Variants in GPR89B observed in about 807,000 individuals in gnomAD.
GPR89B encodes G protein-coupled receptor 89B.
A neutral mutation model predicts 52.4 loss-of-function variants in GPR89B; 25 were observed. That is an observed-to-expected ratio of 0.48 (90% CI 0.35 to 0.67). The LOEUF is 0.67. Among genes scored for constraint, GPR89B ranks in the 30% least tolerant of loss-of-function variants. The pLI is 0.01. For synonymous variants in GPR89B, 52 were observed against 151.2 expected (o/e 0.34, Z 4.81); for missense variants, 146 against 450.2 (o/e 0.32, Z 6.11).
chr1:147,986,185 C>T lies in GPR89B; in HGVS notation c.910-14C>T, dbSNP rs1256583407. On this transcript the variant is annotated splice_polypyrimidine_tract_variant and intron_variant, in intron 10 of 13. Transcript: ENST00000314163. ...TGTTAAGATGCTCCAAGGTAAAAAT[C>T]TGCATCTTTGCAGGCTACCATCAAT... 8,469 of 1,609,786 alleles carry T rather than the reference C, an allele frequency of 5.3e-3. 289 individuals are homozygous for T. In the African/African-American group the frequency reaches 0.096, roughly 18 times the overall value.
chr1:148,010,860 T>G, the GPR89B span: 1 of 152,286 alleles, frequency 6.6e-6, no homozygotes, highest in African/African-American at 2.4e-5. Context: ...ATCTGGTATG[T>G]TGATTTAAAT....
At chr1:147,950,778 C>T (rs1411017145) in intron 5 of GPR89B, among the ~76,000 whole-genome samples, 2 of 152,188 alleles carry the variant, frequency 1.3e-5, no homozygotes, top group Admixed American at 1.3e-4. Flanking sequence ...CAAAAAAATA[C>T]GAAAACCAGT....
chr1:148,002,704 T>G, the GPR89B span, among the ~76,000 whole-genome samples: 8 of 152,128 alleles, frequency 5.3e-5, no homozygotes, highest in Non-Finnish European at 1.2e-4. Context: ...AAGTTCAAAC[T>G]CATCAGTCTT....
At chr1:148,022,450 T>C in the GPR89B span, among the ~76,000 whole-genome samples, 2 of 151,962 alleles carry the variant, frequency 1.3e-5, no homozygotes, top group Non-Finnish European at 1.5e-5. Context: ...ATTTCGTTAA[T>C]AGATAGAGAC....
At chr1:147,946,986 G>C (rs1464421240) in intron 5 of GPR89B, among the ~76,000 whole-genome samples, 12 of 152,024 alleles carry the variant, frequency 7.9e-5, no homozygotes, top group Non-Finnish European at 1.6e-4. Context: ...TGCCTTCTTA[G>C]AGCTTTCCCA....
At chr1:148,025,360 T>C in the GPR89B span, among the ~76,000 whole-genome samples, 2 of 151,198 alleles carry the variant, frequency 1.3e-5, no homozygotes, top group East Asian at 3.9e-4. Context: ...ATTTAATAGG[T>C]AAAGAATCAT....
chr1:147,949,449 TGACCC>T (rs1655334159), intron 5 of GPR89B, among the ~76,000 whole-genome samples: 5 of 308 alleles, frequency 0.016, 1 homozygote, highest in Non-Finnish European at 0.031. Flanking sequence ...CTGACCCCCC[TGACCC>T]CCCACCTCCC....
At chr1:147,970,356 T>A (rs1657324478) in intron 10 of GPR89B, among the ~76,000 whole-genome samples, 1 of 151,566 alleles carries the variant, frequency 6.6e-6, no homozygotes, top group African/African-American at 2.4e-5. Context: ...ATTAGCTGGG[T>A]GTGGTGGTGG....
chr1:147,984,449 TAGA>T (rs1225458003), intron 10 of GPR89B, among the ~76,000 whole-genome samples: 1 of 142,172 alleles, frequency 7.0e-6, no homozygotes, highest in African/African-American at 2.6e-5. Context: ...ATCAGTCTAG[TAGA>T]AGTTTATTGG....
At chr1:147,949,578 C>T (rs1553250496) in intron 5 of GPR89B, among the ~76,000 whole-genome samples, 2 of 124,758 alleles carry the variant, frequency 1.6e-5, no homozygotes, top group East Asian at 2.4e-4. Context: ...GGGGGGCTGA[C>T]CCCCCCACCT....
chr1:148,005,643 A>T, the GPR89B span: 1 of 1,024,084 alleles, frequency 9.8e-7, no homozygotes, highest in Non-Finnish European at 1.5e-6. Flanking sequence ...TACTGTCCCT[A>T]GTCTAAGAAC....
At chr1:148,018,039 AAT>A in the GPR89B span, among the ~76,000 whole-genome samples, 3 of 147,730 alleles carry the variant, frequency 2.0e-5, no homozygotes, top group Non-Finnish European at 4.4e-5. Flanking sequence ...GATCTAAGAG[AAT>A]ATATTAACAA....
chr1:147,942,132 T>TA (rs1449497427), intron 3 of GPR89B, among the ~76,000 whole-genome samples: 1 of 151,900 alleles, frequency 6.6e-6, no homozygotes, highest in Admixed American at 6.6e-5. Context: ...ATAATACAAT[T>TA]AAAAAATGAA....
chr1:147,932,926 T>TA (rs1653771390), intron 1 of GPR89B, among the ~76,000 whole-genome samples: 2 of 152,140 alleles, frequency 1.3e-5, no homozygotes, highest in Non-Finnish European at 1.5e-5. Context: ...TTCTGACACT[T>TA]ACTATAAATT....
At chr1:148,009,266 C>G in the GPR89B span, 5 of 1,476,032 alleles carry the variant, frequency 3.4e-6, no homozygotes, top group Non-Finnish European at 4.6e-6. Flanking sequence ...AAGTCATTAA[C>G]CAGTAGCATC....
chr1:148,015,292 G>T, the GPR89B span, among the ~76,000 whole-genome samples: 2 of 51,018 alleles, frequency 3.9e-5, no homozygotes, highest in Non-Finnish European at 7.4e-5. Context: ...AGGATTCTAG[G>T]ATCTCTCTCT....
At chr1:147,981,032 G>T (rs1220155639) in intron 10 of GPR89B, among the ~76,000 whole-genome samples, 1 of 151,382 alleles carries the variant, frequency 6.6e-6, no homozygotes, top group Non-Finnish European at 1.5e-5. Context: ...AATGGGGTTG[G>T]GGGGGGCTTT....
the GPR89B span, among the ~76,000 whole-genome samples, chr1:147,999,073 C>T: frequency 6.6e-6 from 1 of 151,494 alleles, no homozygotes; most frequent in Non-Finnish European, 1.5e-5. Flanking sequence ...GCTTCTTTTT[C>T]GATCAAAGTT....
intron 5 of GPR89B, among the ~76,000 whole-genome samples, chr1:147,950,659 A>G (rs1383756792): frequency 6.6e-6 from 1 of 152,190 alleles, no homozygotes; most frequent in African/African-American, 2.4e-5. Flanking sequence ...CACTGAGTGA[A>G]CCAGACTCCG....
Sources: allele counts gnomAD v4.1 joint callset (sites outside exome capture counted in the v4.1 genomes callset), GRCh38; gene constraint gnomAD v4.1.1; transcripts MANE v1.5; gene names NCBI Gene and HGNC (gene_info 2026-07-23, HGNC 2026-07-21).